LIN52: variants seen among roughly 807,000 people sequenced by gnomAD.
LIN52 encodes protein lin-52 homolog.
A neutral mutation model predicts 18.5 loss-of-function variants in LIN52; 4 were observed. The ratio of observed to expected loss-of-function variants is 0.22; its 90% CI spans 0.11 to 0.49. The LOEUF is 0.49. Among genes scored for constraint, LIN52 ranks in the 20% least tolerant of loss-of-function variants. LIN52 has a pLI of 0.97. For synonymous variants in LIN52, 34 were observed against 45.5 expected, an observed-to-expected ratio of 0.75 and a Z score of 1.02; for missense variants, 102 against 139.5, an observed-to-expected ratio of 0.73 and a Z score of 1.35.
chr14:74,176,068 G>A (rs1298957424), intron 5 of LIN52, among the ~76,000 whole-genome samples: 1 of 152,112 alleles, frequency 6.6e-6, no homozygotes, highest in Non-Finnish European at 1.5e-5. Context: ...TTGTCCCACT[G>A]GAAGGTCTTC....
At chr14:74,091,357 C>G in intron 2 of LIN52, 51 bp downstream of exon 2, 6 of 1,217,674 alleles carry the variant, frequency 4.9e-6, no homozygotes, top group Non-Finnish European at 7.1e-6. Flanking sequence ...AAACAATGTT[C>G]CTTTTTAAAG....
At chr14:74,144,478 C>T (rs1409901668) in intron 5 of LIN52, among the ~76,000 whole-genome samples, 1 of 152,086 alleles carries the variant, frequency 6.6e-6, no homozygotes, top group Non-Finnish European at 1.5e-5. Context: ...AGGAAGAATG[C>T]AGCAAAAAGA....
rs149291085 is a variant in LIN52, at chr14:74,094,575, C to T, written c.95-1373C>T. ...TGCCTGGCCTATATCTAGTTTTTGA[C>T]TTTACAGACAGTTTATCAGTGAATA... On this transcript the variant is annotated intron_variant, in intron 2 of 5. Transcript: ENST00000555028. 1.5e-3 allele frequency among the ~76,000 whole-genome samples: 227 copies of T among 152,210 alleles called. 1 individual carries two copies. Among genetic ancestry groups the T allele is most frequent in the African/African-American group, 5.0e-3 (209 of 41,536 alleles).
At chr14:74,091,773 CAAAAAAAAA>C (rs573705378) in intron 2 of LIN52, among the ~76,000 whole-genome samples, 4 of 65,304 alleles carry the variant, frequency 6.1e-5, no homozygotes, top group East Asian at 4.9e-4. Flanking sequence ...GACTCTGTCT[CAAAAAAAAA>C]AAAAAAAAAA....
chr14:74,191,119 A>G (rs1307410235), intron 5 of LIN52, among the ~76,000 whole-genome samples: 1 of 152,238 alleles, frequency 6.6e-6, no homozygotes, highest in Non-Finnish European at 1.5e-5. Context: ...TCTGCTGTAC[A>G]CCAGCTCTGC....
At chr14:74,134,622 C>T (rs1383515992) in intron 5 of LIN52, among the ~76,000 whole-genome samples, 2 of 151,406 alleles carry the variant, frequency 1.3e-5, no homozygotes, top group Non-Finnish European at 2.9e-5. Context: ...CTTAGGTTCC[C>T]TCTGGCCCCC....
intron 2 of LIN52, among the ~76,000 whole-genome samples, chr14:74,095,642 A>G (rs1004057582): frequency 2.0e-5 from 3 of 152,192 alleles, no homozygotes; most frequent in African/African-American, 7.2e-5. Flanking sequence ...ACTTTCTGGT[A>G]AGAGATATTG....
intron 5 of LIN52, 111 bp from the exon 6 acceptor site, chr14:74,198,811 G>A (rs752201152): frequency 8.8e-6 from 7 of 799,780 alleles, no homozygotes; most frequent in Non-Finnish European, 1.4e-5. Flanking sequence ...TGTTGTGATA[G>A]CAACTTGATA....
At chr14:74,137,053 A>T (rs1489800347) in intron 5 of LIN52, among the ~76,000 whole-genome samples, 2 of 151,956 alleles carry the variant, frequency 1.3e-5, no homozygotes, top group Non-Finnish European at 2.9e-5. Flanking sequence ...TCACTAAATT[A>T]AGAAGAAAAG....
chr14:74,159,404 G>A (rs570766316), intron 5 of LIN52, among the ~76,000 whole-genome samples: 1 of 152,040 alleles, frequency 6.6e-6, no homozygotes, highest in Non-Finnish European at 1.5e-5. Context: ...TTGTATATAC[G>A]TAACAGAGTA....
intron 5 of LIN52, among the ~76,000 whole-genome samples, chr14:74,117,255 T>C (rs1482614025): frequency 6.6e-6 from 1 of 152,238 alleles, no homozygotes; most frequent in Non-Finnish European, 1.5e-5. Flanking sequence ...TGTTGGGTCA[T>C]GGGCAAGAGA....
At chr14:74,144,704 T>C (rs2061146851) in intron 5 of LIN52, among the ~76,000 whole-genome samples, 2 of 152,206 alleles carry the variant, frequency 1.3e-5, no homozygotes, top group African/African-American at 4.8e-5. Context: ...TAGTGTATCA[T>C]TTTTCCTCTA....
chr14:74,091,114 A>G, intron 1 of LIN52, 118 bp from the exon 2 acceptor site: 3 of 624,888 alleles, frequency 4.8e-6, no homozygotes, highest in Non-Finnish European at 8.5e-6. Flanking sequence ...CAATAGTTAC[A>G]GAACTCATAT....
At chr14:74,118,122 C>T (rs1595161319) in intron 5 of LIN52, among the ~76,000 whole-genome samples, 1 of 152,026 alleles carries the variant, frequency 6.6e-6, no homozygotes. Flanking sequence ...GAGAGCCGGA[C>T]AAGCTGAAAA....
In LIN52 at chr14:74,199,160, G is replaced by A; in HGVS notation, c.*183G>A. ...ACATTCAGCAGCAAGAGAAGAATCT[G>A]CTCTACCCAAGGATCATTGCAGTTA... is the stretch of plus-strand genomic sequence containing the variant. On this transcript the variant is annotated 3_prime_UTR_variant, in exon 6 of 6. Transcript: ENST00000555028. 1.9e-6 allele frequency: 1 copy of A among 534,860 alleles called. No homozygotes were observed. Among genetic ancestry groups the A allele is most frequent in the Non-Finnish European group, 3.3e-6 (1 of 301,568 alleles). 33.1% of individuals were successfully genotyped at this position (534,860 alleles called of 1,614,324 possible).
At chr14:74,103,773 A>T (rs1301866020) in intron 5 of LIN52, among the ~76,000 whole-genome samples, 7 of 69,720 alleles carry the variant, frequency 1.0e-4, no homozygotes, top group East Asian at 5.5e-4. Flanking sequence ...TTTTTTTAAG[A>T]GACTGGGTTT....
chr14:74,179,563 G>A (rs2061308239), intron 5 of LIN52, among the ~76,000 whole-genome samples: 1 of 151,630 alleles, frequency 6.6e-6, no homozygotes, highest in African/African-American at 2.4e-5. Context: ...GGAGGCTGCG[G>A]CAGAATCGCT....
chr14:74,116,016 A>C (rs1566852012), intron 5 of LIN52, among the ~76,000 whole-genome samples: 1 of 152,314 alleles, frequency 6.6e-6, no homozygotes, highest in Admixed American at 6.5e-5. Context: ...GATAAATAAG[A>C]AAATGGGCCA....
rs189028211 is a variant in LIN52 at position 74,099,280 on chromosome 14, A to T, written c.199+1420A>T. 1.5e-3 allele frequency among the ~76,000 whole-genome samples: 217 copies of T among 149,574 alleles called. 1 individual carries two copies. The highest frequency in any genetic ancestry group is 0.011 in the East Asian group (55 of 5,174). ...TGACTGTGGCATGATAAATGAGATT[A>T]AAAAAAAACACCTTTATTTGATTTT... On this transcript the variant is annotated intron_variant, in intron 4 of 5. Transcript: ENST00000555028.
Sources: gnomAD v4.1 joint callset for allele counts (sites outside exome capture counted in the v4.1 genomes callset) on GRCh38, gnomAD v4.1.1 for gene constraint, MANE v1.5 for transcripts, NCBI Gene and HGNC (gene_info 2026-07-23, HGNC 2026-07-21) for gene names.